The following NOS1 variants were observed in gnomAD, a reference collection of about 807,000 sequenced individuals.
NOS1 encodes the protein nitric oxide synthase 1, also known as NOS type I.
In NOS1, 51 loss-of-function variants were observed where a neutral mutation model predicts 164.5. That is an observed-to-expected ratio of 0.31 (90% CI 0.25 to 0.39). The LOEUF is 0.39. Ranked by LOEUF, NOS1 falls within the 10% of genes least tolerant of loss-of-function variation. The pLI, the probability that NOS1 is intolerant of heterozygous loss-of-function variation, is 1.00. For synonymous variants in NOS1, 719 were observed against 745.8 expected, an observed-to-expected ratio of 0.96 and a Z score of 0.59; for missense variants, 1,362 against 1,885.6, an observed-to-expected ratio of 0.72 and a Z score of 5.14.
intron 2 of NOS1, among the ~76,000 whole-genome samples, chr12:117,312,497 C>G (rs768902169): frequency 3.9e-5 from 6 of 152,198 alleles, no homozygotes; most frequent in Non-Finnish European, 7.3e-5. Context: ...CTCTCTGCAG[C>G]CTTGATCTTC....
chr12:117,255,453 G>A (rs910509769), intron 16 of NOS1, among the ~76,000 whole-genome samples: 6 of 152,252 alleles, frequency 3.9e-5, no homozygotes, highest in Middle Eastern at 3.4e-3. Context: ...CTAGCAGCAG[G>A]GTTTCTAAGC....
intron 24 of NOS1, among the ~76,000 whole-genome samples, chr12:117,226,123 G>A (rs929919232): frequency 2.0e-5 from 3 of 152,212 alleles, no homozygotes; most frequent in African/African-American, 7.2e-5. Context: ...TCAATGGCAT[G>A]TGGATCATAT....
At chr12:117,357,901 G>A (rs1255036495) in intron 1 of NOS1, among the ~76,000 whole-genome samples, 1 of 152,180 alleles carries the variant, frequency 6.6e-6, no homozygotes, top group East Asian at 1.9e-4. Flanking sequence ...TCCATGGCAG[G>A]AAACATGCCC....
chr12:117,313,504 C>T (rs181472216), intron 2 of NOS1, among the ~76,000 whole-genome samples: 108 of 152,308 alleles, frequency 7.1e-4, no homozygotes, highest in Non-Finnish European at 9.3e-4. Flanking sequence ...CTGTGTTGTG[C>T]AAGCTGGTCT....
intron 8 of NOS1, among the ~76,000 whole-genome samples, chr12:117,279,100 C>T (rs1020464838): frequency 6.6e-6 from 1 of 151,882 alleles, no homozygotes; most frequent in African/African-American, 2.4e-5. Context: ...ATCAATGGGC[C>T]GGGCGCGGTG....
At chr12:117,322,391 CTCT>C (rs1323848654) in intron 2 of NOS1, among the ~76,000 whole-genome samples, 2 of 119,510 alleles carry the variant, frequency 1.7e-5, no homozygotes, top group Non-Finnish European at 1.7e-5. Context: ...CGTTCGTTCT[CTCT>C]TCTTTCCCTT....
chr12:117,342,848 G>A lies in NOS1; in HGVS notation c.-420-11359C>T, dbSNP rs528642105. ...CAATGATGGTGGTTAAGGATCAGGT[G>A]GTGAAAGGGAGGAAGGAAGGAAGTG... On this transcript the variant is annotated intron_variant, in intron 1 of 28. Transcript: ENST00000317775. Among the ~76,000 whole-genome samples the A allele has an allele frequency of 2.0e-5, 3 of 152,204 alleles. No individual in the cohort carries two copies. In the South Asian group the frequency reaches 6.2e-4, roughly 32 times the overall value.
intron 24 of NOS1, 136 bp from the exon 25 acceptor site, chr12:117,225,273 C>T: frequency 2.5e-6 from 3 of 1,182,204 alleles, no homozygotes; most frequent in South Asian, 1.6e-5. Context: ...GGGCCAGGTG[C>T]CCCTTTCCAG....
intron 1 of NOS1, chr12:117,348,455 T>A (rs552697006): frequency 6.6e-6 from 1 of 152,196 alleles, no homozygotes; most frequent in Non-Finnish European, 1.5e-5. Flanking sequence ...GAAGATTCCA[T>A]GAAGTAACGT....
chr12:117,248,371 A>G (rs968640122), intron 17 of NOS1, among the ~76,000 whole-genome samples: 113 of 144,174 alleles, frequency 7.8e-4, no homozygotes, highest in African/African-American at 2.9e-3. Context: ...AACAGTCCCC[A>G]GAGTGTGATG....
At chr12:117,358,624 T>C (rs1227315750) in intron 1 of NOS1, among the ~76,000 whole-genome samples, 1 of 152,226 alleles carries the variant, frequency 6.6e-6, no homozygotes, top group East Asian at 1.9e-4. Context: ...TGGGAGTTAC[T>C]GTTCTCATTT....
chr12:117,265,568 C>T (rs987349166), intron 11 of NOS1, 58 bp from the exon 12 acceptor site: 2 of 1,303,506 alleles, frequency 1.5e-6, no homozygotes, highest in Non-Finnish European at 1.0e-6. Context: ...TATTTTGGGA[C>T]TCCCTGCCCC....
intron 4 of NOS1, among the ~76,000 whole-genome samples, chr12:117,289,156 AT>A (rs1290053860): frequency 1.3e-5 from 2 of 152,246 alleles, no homozygotes; most frequent in Non-Finnish European, 2.9e-5. Context: ...TTTGTTGACT[AT>A]TAAAAATATG....
chr12:117,360,179 G>A, intron 1 of NOS1, among the ~76,000 whole-genome samples: 1 of 151,752 alleles, frequency 6.6e-6, no homozygotes, highest in East Asian at 2.0e-4. Context: ...TTCTCCGTGA[G>A]AGCCTCTCCT....
chr12:117,302,511 G>A (rs902145897), intron 3 of NOS1, among the ~76,000 whole-genome samples: 8 of 150,722 alleles, frequency 5.3e-5, no homozygotes, highest in South Asian at 2.1e-4. Flanking sequence ...GGAGAATGGC[G>A]TGAACCCCAG....
At chr12:117,302,871 G>A (rs554062897) in intron 3 of NOS1, among the ~76,000 whole-genome samples, 1 of 152,122 alleles carries the variant, frequency 6.6e-6, no homozygotes, top group African/African-American at 2.4e-5. Flanking sequence ...TCAGCCTCCT[G>A]AGTAGCTGGG....
At chr12:117,355,754 T>G (rs904711402) in intron 1 of NOS1, among the ~76,000 whole-genome samples, 8 of 152,172 alleles carry the variant, frequency 5.3e-5, no homozygotes, top group African/African-American at 1.9e-4. Context: ...AAAAATTAAT[T>G]AATGAATTAA....
At chr12:117,253,446 A>G (rs1201690678) in intron 17 of NOS1, among the ~76,000 whole-genome samples, 192 bp downstream of exon 17, 1 of 152,082 alleles carries the variant, frequency 6.6e-6, no homozygotes, top group Non-Finnish European at 1.5e-5. Context: ...AGGATAAAAA[A>G]TGGTGCACGG....
chr12:117,263,018 C>A (rs916602395), intron 13 of NOS1, among the ~76,000 whole-genome samples: 6 of 152,292 alleles, frequency 3.9e-5, no homozygotes, highest in African/African-American at 1.4e-4. Flanking sequence ...TTTCCAGGAA[C>A]CATTCCTCGA....
Sources: gnomAD v4.1 joint callset for allele counts (sites outside exome capture counted in the v4.1 genomes callset) on GRCh38, gnomAD v4.1.1 for gene constraint, MANE v1.5 for transcripts, NCBI Gene and HGNC (gene_info 2026-07-23, HGNC 2026-07-21) for gene names.